The following UNC13D variants were observed in gnomAD, a reference collection of about 807,000 sequenced individuals.
The protein encoded by UNC13D is unc-13 homolog D, also known as protein unc-13 homolog D.
UNC13D carries 115 observed loss-of-function variants against 151.7 expected under a neutral mutation model. The observed-to-expected ratio is 0.76, with a 90% CI of 0.65 to 0.88. UNC13D has a LOEUF of 0.88. Ranked by LOEUF, UNC13D falls within the 40% of genes least tolerant of loss-of-function variation. UNC13D has a pLI of 0.00. For missense variants in UNC13D, 1,369 were observed against 1,438.7 expected (o/e 0.95, Z 0.78); for synonymous variants, 588 against 612.2 (o/e 0.96, Z 0.58).
Position 75,827,766 on chromosome 17 carries a change from G to T in UNC13D, c.*199C>A. 6.7e-7 allele frequency: 1 copy of T among 1,482,928 alleles called. No homozygotes were observed. 91.9% of individuals were successfully genotyped at this position (1,482,928 alleles called of 1,614,324 possible). The stretch of plus-strand genomic sequence containing the variant: ...CAGCCAGGGCTGGAGGCAGGGAGGC[G>T]GGAGTAGAGATGTCGCTGCTGAGCC... On this transcript the variant is annotated 3_prime_UTR_variant, in exon 32 of 32. Transcript: ENST00000207549.
intron 12 of UNC13D, among the ~76,000 whole-genome samples, chr17:75,837,908 G>A (rs2064919884): frequency 6.6e-6 from 1 of 152,152 alleles, no homozygotes; most frequent in Admixed American, 6.5e-5. Context: ...GGGGAGAGGA[G>A]CAGCCTGGGG....
chr17:75,841,448 T>TTC, intron 6 of UNC13D, among the ~76,000 whole-genome samples: 1 of 147,034 alleles, frequency 6.8e-6, no homozygotes, highest in Non-Finnish European at 1.5e-5. Context: ...CAGCCTTTTT[T>TTC]TTTTTTTTTT....
intron 30 of UNC13D, 91 bp downstream of exon 30, chr17:75,829,937 C>A (rs772571668): frequency 1.2e-4 from 182 of 1,543,776 alleles, no homozygotes; most frequent in Admixed American, 3.5e-4. Flanking sequence ...CTCAGGGGAG[C>A]CCCTTGGCCC....
In UNC13D at chr17:75,836,018, A is replaced by G; in HGVS notation, c.1538T>C (p.Phe513Ser). ...HQCQRTWDKI[F>S]HNTLKIHLFS... Reference sequence around the variant, plus strand: ...GACCTGGCTATCTGCTCACTTGTGGAAGATCTTGTCCCATGTGCGCTGGCA... The same window carrying G: ...GACCTGGCTATCTGCTCACTTGTGGGAGATCTTGTCCCATGTGCGCTGGCA... Residue 513 changes from phenylalanine to serine, a missense_variant, in exon 17 of 32, where the codon TTC becomes TCC. This residue lies in a region of UNC13D where 807 missense variants were observed against 795.5 expected (regional missense o/e 1.01). Transcript: ENST00000207549. 6.2e-7 allele frequency: 1 copy of G among 1,614,086 alleles called. No homozygotes were observed. The highest frequency in any genetic ancestry group is 8.5e-7 in the Non-Finnish European group (1 of 1,180,030).
intron 21 of UNC13D, 35 bp from the exon 22 acceptor site, chr17:75,834,751 G>A (rs764112220): frequency 5.5e-5 from 89 of 1,611,110 alleles, no homozygotes; most frequent in Middle Eastern, 1.7e-4. Context: ...ACTGATCCAT[G>A]GGTGGGGCAT....
Position 75,834,672 on chromosome 17 carries a change from G to A in UNC13D, c.2037C>T (p.Ala679=), listed in dbSNP as rs1205800842. Reference sequence around the variant, plus strand: ...GGCCTGAAGAGAGCTCGCGGGCCCGGGCCTTTATAAGGCTGCAGTACACCA... The same window carrying A: ...GGCCTGAAGAGAGCTCGCGGGCCCGAGCCTTTATAAGGCTGCAGTACACCA... ...LALVYCSLIK[A]RARELSSGQK... The change falls in exon 22 of 32, where the codon GCC becomes GCT. Residue 679 remains alanine (A), a synonymous_variant. Coordinates refer to ENST00000207549, the MANE Select transcript of UNC13D (RefSeq NM_199242.3). 1.9e-6 allele frequency: 3 copies of A among 1,613,754 alleles called. No individual in the cohort carries two copies. In the South Asian group the frequency reaches 3.3e-5, roughly 18 times the overall value.
intron 1 of UNC13D, chr17:75,843,947 A>G: frequency 7.2e-7 from 1 of 1,389,886 alleles, no homozygotes; most frequent in Non-Finnish European, 9.3e-7. Context: ...GCTCTTCTGA[A>G]GCTGGAGGAG....
Position 75,843,078 on chromosome 17 carries a change from TG to T in UNC13D, c.262-6del, listed in dbSNP as rs1472183233. 2.3e-6 allele frequency: 3 copies of T among 1,285,430 alleles called. No homozygotes were observed. 79.6% of individuals were successfully genotyped at this position (1,285,430 alleles called of 1,614,324 possible). On this transcript the variant is annotated splice_region_variant and splice_polypyrimidine_tract_variant and intron_variant, in intron 3 of 31. Coordinates refer to ENST00000207549, the MANE Select transcript of UNC13D (RefSeq NM_199242.3). ...CTCGGGCTCCACGTGGAAGGCCTGG[TG>T]GGGAGGCAGGCGGGTGGGTGGCTGG...
At chr17:75,831,010 A>G in intron 27 of UNC13D, 88 bp downstream of exon 27, 1 of 1,497,428 alleles carries the variant, frequency 6.7e-7, no homozygotes, top group Non-Finnish European at 9.2e-7. Flanking sequence ...TGGGCCCCAT[A>G]AATTATGTAG....
In UNC13D at chr17:75,839,693, T is replaced by C. The variant is rs1381346666; in HGVS notation, c.1055+146A>G. ...AGCCGAATCTCTAGACTTTTTAAAA[T>C]TGGCAACTGATTCAAAACTTAAAAC... On this transcript the variant is annotated intron_variant, in intron 12 of 31. Coordinates refer to ENST00000207549, the MANE Select transcript of UNC13D (RefSeq NM_199242.3). The C allele has an allele frequency of 2.5e-5, 22 of 873,064 alleles. No individual in the cohort carries two copies. In the East Asian group the frequency reaches 5.2e-4, roughly 21 times the overall value. 54.1% of individuals were successfully genotyped at this position (873,064 alleles called of 1,614,324 possible).
Position 75,832,894 on chromosome 17 carries a change from G to A in UNC13D, c.2447+72C>T. On this transcript the variant is annotated intron_variant, in intron 25 of 31. Transcript: ENST00000207549. The surrounding 1 kb of genome is among the most constrained non-coding windows in gnomAD (Gnocchi z 4.3). ...TACACCCCTCAGAACGGATGCTGGG[G>A]CCCAGGAAGGAGGGGCCGTGGGAGG... is the stretch of plus-strand genomic sequence containing the variant. 1 of 1,446,950 alleles carries A rather than the reference G, an allele frequency of 6.9e-7. No individual in the cohort carries two copies. Among genetic ancestry groups the A allele is most frequent in the Non-Finnish European group, 9.5e-7 (1 of 1,056,964 alleles). The allele number at this position is 1,446,950 out of a possible 1,614,324, so 89.6% of individuals were successfully genotyped here. A position where few individuals can be genotyped will look rare whatever the true frequency, so the allele number is the denominator to read the frequency against.
chr17:75,835,413 T>C lies in UNC13D; in HGVS notation c.1844A>G (p.Asp615Gly). The C allele has an allele frequency of 6.2e-7, 1 of 1,611,830 alleles. No homozygotes were observed. Among genetic ancestry groups the C allele is most frequent in the Non-Finnish European group, 8.5e-7 (1 of 1,179,644 alleles). Residue 615 changes from aspartate to glycine, a missense_variant, in exon 20 of 32, where the codon GAT (aspartate) becomes GGT (glycine). By Grantham distance (94) the Asp-to-Gly change is moderately conservative. Coordinates refer to ENST00000207549, the MANE Select transcript of UNC13D (RefSeq NM_199242.3). ...LARVQRAVQM[D>G]ELVPLGELTK... ...CTGCCCTGGCCACGCCCCCACCTCA[T>C]CCATCTGCACAGCGCGCTGCACCCG...
intron 6 of UNC13D, 178 bp from the exon 7 acceptor site, chr17:75,841,179 G>C (rs1334558440): frequency 8.6e-6 from 5 of 583,040 alleles, no homozygotes; most frequent in African/African-American, 2.7e-5. Context: ...GTCTAGTTCT[G>C]TCCCCCAGGC....
intron 12 of UNC13D, 45 bp downstream of exon 12, chr17:75,839,794 G>T (rs746888994): frequency 1.1e-5 from 17 of 1,598,112 alleles, no homozygotes; most frequent in Middle Eastern, 1.7e-4. Context: ...CAGGGGGCGT[G>T]GGGGGCTGGT....
chr17:75,829,506 G>T (rs2062146093), intron 30 of UNC13D, among the ~76,000 whole-genome samples: 1 of 151,876 alleles, frequency 6.6e-6, no homozygotes, highest in South Asian at 2.1e-4. Context: ...TGTTAGCCAG[G>T]ATGGTCTTGA....
chr17:75,828,453 A>T (rs548774716), intron 31 of UNC13D, among the ~76,000 whole-genome samples: 1 of 152,352 alleles, frequency 6.6e-6, no homozygotes, highest in Admixed American at 6.5e-5. Context: ...TGGAATGCAT[A>T]AAGTGCTTAG....
At position 75,835,842 on chromosome 17, in the gene UNC13D, G is replaced by T. The variant is rs1240801958; in HGVS notation, c.1596+13C>A. The T allele has an allele frequency of 1.2e-6, 2 of 1,614,104 alleles. No individual in the cohort carries two copies. Among genetic ancestry groups the T allele is most frequent in the Non-Finnish European group, 8.5e-7 (1 of 1,180,030 alleles). ...GTTGGAGGGCATGCCCTAGAGACGGGGGAGGGACTCACCAGCCACTGCAGC... is the reference window on the plus strand; with the variant it reads ...GTTGGAGGGCATGCCCTAGAGACGGTGGAGGGACTCACCAGCCACTGCAGC... On this transcript the variant is annotated intron_variant, in intron 18 of 31. Coordinates refer to ENST00000207549, the MANE Select transcript of UNC13D (RefSeq NM_199242.3).
In UNC13D at chr17:75,840,496, A is replaced by G. The variant is rs1164555215; in HGVS notation, c.753+11T>C. 6.2e-7 allele frequency: 1 copy of G among 1,612,428 alleles called. No homozygotes were observed. The highest frequency in any genetic ancestry group is 1.7e-5 in the Admixed American group (1 of 59,844). On this transcript the variant is annotated intron_variant, in intron 9 of 31. Transcript: ENST00000207549. This position sits in a 1 kb window ranked among gnomAD's most constrained non-coding sequence, Gnocchi z 4.6. The stretch of plus-strand genomic sequence containing the variant: ...GCCTCGCTCCTGGGCCCCTTTCCTC[A>G]TCCTCCTCACCTGCAGCCTCAGAAC...
At position 75,836,226 on chromosome 17, in the gene UNC13D, G is replaced by A. The variant is rs1173849117; in HGVS notation, c.1420C>T (p.Gln474Ter). Residue 474 changes from glutamine (Q) to a stop codon, truncating the protein, a stop_gained, in exon 16 of 32, where the codon CAG (glutamine) becomes TAG (stop). Coordinates refer to ENST00000207549, the MANE Select transcript of UNC13D (RefSeq NM_199242.3). LOFTEE classifies it high-confidence loss of function. The part of the protein sequence containing the change: ...TGTTEWFHLK[Q>*]QHHQPMVQGI... Reference sequence around the variant, plus strand: ...TGCACCATGGGTTGATGGTGCTGCTGCTTCAGGTGGAACCATTCAGTGGTG... The same window carrying A: ...TGCACCATGGGTTGATGGTGCTGCTACTTCAGGTGGAACCATTCAGTGGTG... The A allele has an allele frequency of 6.2e-7, 1 of 1,612,466 alleles. No individual in the cohort carries two copies. The highest frequency in any genetic ancestry group is 8.5e-7 in the Non-Finnish European group (1 of 1,179,568).
Sources: gnomAD v4.1 joint callset for allele counts (sites outside exome capture counted in the v4.1 genomes callset) on GRCh38, gnomAD v4.1.1 for gene constraint, gnomAD v4.1.1 regional missense constraint, Gnocchi (gnomAD v3.1) non-coding constraint, MANE v1.5 for transcripts, NCBI Gene and HGNC (gene_info 2026-07-23, HGNC 2026-07-21) for gene names.